Variants in SYNE3 observed in about 807,000 individuals in gnomAD.
The protein encoded by SYNE3 is spectrin repeat containing nuclear envelope family member 3, also known as nesprin-3.
A neutral mutation model predicts 111.2 loss-of-function variants in SYNE3; 100 were observed. The ratio of observed to expected loss-of-function variants is 0.90; its 90% CI spans 0.77 to 1.06. The LOEUF (loss-of-function observed/expected upper bound fraction) is 1.06. SYNE3 is among the 50% of genes least tolerant of loss of function. The probability of loss-of-function intolerance (pLI) is 0.00; values close to 1 mark genes in which losing one functional copy is unlikely to be tolerated. For synonymous variants in SYNE3, 547 were observed against 533.9 expected (o/e 1.02, Z -0.34); for missense variants, 1,160 against 1,240.3 (o/e 0.94, Z 0.97).
At chr14:95,439,409 G>T (rs539915754) in intron 13 of SYNE3, among the ~76,000 whole-genome samples, 2 of 152,344 alleles carry the variant, frequency 1.3e-5, no homozygotes, top group South Asian at 4.1e-4. Flanking sequence ...ATAGACTGGA[G>T]GCTAACTCCC....
chr14:95,513,737 TTATATATATATATATATATATA>T (rs59944497), intron 1 of SYNE3, among the ~76,000 whole-genome samples: 4 of 92,506 alleles, frequency 4.3e-5, no homozygotes, highest in East Asian at 7.3e-4. Context: ...GCTGCTTAGA[TTATATATATATATATATATATA>T]TATATATATA....
intron 2 of SYNE3, among the ~76,000 whole-genome samples, chr14:95,469,740 A>C (rs1333297689): frequency 6.6e-6 from 1 of 152,076 alleles, no homozygotes; most frequent in Non-Finnish European, 1.5e-5. Context: ...AATAAAAATA[A>C]AATAAAAACA....
In SYNE3 at chr14:95,502,334, A is replaced by G. The variant is rs376370921; in HGVS notation, c.-15+14262T>C. Among the ~76,000 whole-genome samples, 786 of 138,008 alleles carry G rather than the reference A, an allele frequency of 5.7e-3. 11 individuals carry two copies. The highest frequency in any genetic ancestry group is 9.8e-3 in the South Asian group (41 of 4,176). The allele number at this position is 138,008 out of a possible 152,430, so 90.5% of individuals were successfully genotyped here. ...TCCCAGAGCCTGTGTCCTCAGAGCT[A>G]GCCAGAGTCACGAGCAGCCTTTCCT... On this transcript the variant is annotated intron_variant, in intron 1 of 17. Transcript: ENST00000682763.
At chr14:95,498,874 G>A (rs1044699033) in intron 1 of SYNE3, among the ~76,000 whole-genome samples, 8 of 152,114 alleles carry the variant, frequency 5.3e-5, no homozygotes, top group East Asian at 1.9e-4. Flanking sequence ...AGGACAAGGC[G>A]GACTAGAAAG....
rs752424093 is a variant in SYNE3, at chr14:95,433,210, G to T, written c.2688+50C>A. 1.9e-6 allele frequency: 3 copies of T among 1,594,566 alleles called. No homozygotes were observed. The East Asian group carries it at 6.7e-5, about 36-fold the overall frequency. ...TGTATCCCCAGGCAAATACGGCCCA[G>T]CTATAGTCCTGTCCCTGGAATCTGG... On this transcript the variant is annotated intron_variant, in intron 16 of 17. Transcript: ENST00000682763.
At chr14:95,437,330 T>A (rs1886147243) in intron 14 of SYNE3, among the ~76,000 whole-genome samples, 1 of 152,246 alleles carries the variant, frequency 6.6e-6, no homozygotes, top group Non-Finnish European at 1.5e-5. Flanking sequence ...GCTAACTTCT[T>A]GGTTATCCAC....
At chr14:95,475,218 G>A (rs1412773168) in intron 2 of SYNE3, among the ~76,000 whole-genome samples, 1 of 152,244 alleles carries the variant, frequency 6.6e-6, no homozygotes, top group Non-Finnish European at 1.5e-5. Context: ...GAGAAGCTCA[G>A]GAAGTCACTC....
At chr14:95,430,385 T>A (rs538890371) in intron 17 of SYNE3, among the ~76,000 whole-genome samples, 2 of 152,182 alleles carry the variant, frequency 1.3e-5, no homozygotes, top group Non-Finnish European at 2.9e-5. Flanking sequence ...TGATTTTCCC[T>A]TTCTCATGAG....
In SYNE3 at chr14:95,408,365, G is replaced by T. The variant is rs1903339326; in HGVS notation, c.*9461C>A. The T allele has an allele frequency of 6.6e-6, 1 of 152,188 alleles. No homozygotes were observed. The highest frequency in any genetic ancestry group is 1.9e-4 in the East Asian group (1 of 5,194). The allele number at this position is 152,188 out of a possible 1,614,324, so 9.4% of individuals were successfully genotyped here. On this transcript the variant is annotated 3_prime_UTR_variant, in exon 18 of 18. Transcript: ENST00000682763. ...GAAAGGAGAAAATTTAGGACCCACA[G>T]AATTAAGCCCTCTTTCAAAGCAGGT...
At chr14:95,426,712 T>C (rs1885445126) in intron 17 of SYNE3, among the ~76,000 whole-genome samples, 1 of 151,054 alleles carries the variant, frequency 6.6e-6, no homozygotes, top group African/African-American at 2.4e-5. Context: ...GAGACCGAGG[T>C]GGGTGGATCA....
rs1437753445 is a variant in SYNE3 at position 95,470,169 on chromosome 14, A to C, written c.145-2202T>G. On this transcript the variant is annotated intron_variant, in intron 2 of 17. Transcript: ENST00000682763. This position sits in a 1 kb window ranked among gnomAD's most constrained non-coding sequence, Gnocchi z 4.2. ...AGCAGCGAGCAGTGATGGGGAAAAC[A>C]AAAGTACCATAGTGGCCAGTGTGGC... is the stretch of plus-strand genomic sequence containing the variant. Among the ~76,000 whole-genome samples the C allele has an allele frequency of 6.6e-6, 1 of 152,148 alleles. No individual in the cohort carries two copies. Among genetic ancestry groups the C allele is most frequent in the Non-Finnish European group, 1.5e-5 (1 of 68,034 alleles).
At chr14:95,458,419 T>C (rs1186786429) in intron 4 of SYNE3, among the ~76,000 whole-genome samples, 2 of 152,166 alleles carry the variant, frequency 1.3e-5, no homozygotes, top group African/African-American at 4.8e-5. Context: ...TGGGAGAAAG[T>C]GAGATGAAAT....
At position 95,436,837 on chromosome 14, in the gene SYNE3, T is replaced by C; in HGVS notation, c.2521A>G (p.Arg841Gly). The C allele has an allele frequency of 6.2e-7, 1 of 1,614,230 alleles. No homozygotes were observed. Among genetic ancestry groups the C allele is most frequent in the Non-Finnish European group, 8.5e-7 (1 of 1,180,050 alleles). ...RTSTAEDLRTRKSKLQELEAR... is the reference protein window; with the variant it reads ...RTSTAEDLRTGKSKLQELEAR... ...GAACAGACCTGCAGCTTCGATTTTC[T>C]GGTCCTCAAGTCCTCAGCTGTAGAA... The change falls in exon 15 of 18, where the codon AGA (arginine) becomes GGA (glycine). Residue 841 changes from arginine (R) to glycine (G), a missense_variant. Coordinates refer to ENST00000682763, the MANE Select transcript of SYNE3 (RefSeq NM_152592.6).
intron 1 of SYNE3, chr14:95,516,156 A>AT (rs2139629937): frequency 6.6e-6 from 1 of 152,438 alleles, no homozygotes; most frequent in South Asian, 2.1e-4. Context: ...CCCAGGCACT[A>AT]CTGAGCGCGC....
Position 95,446,073 on chromosome 14 carries a change from A to G in SYNE3, c.1468T>C (p.Ser490Pro), listed in dbSNP as rs1378596907. 8.1e-6 allele frequency: 13 copies of G among 1,614,020 alleles called. No individual in the cohort carries two copies. Among genetic ancestry groups the G allele is most frequent in the Non-Finnish European group, 1.1e-5 (13 of 1,180,014 alleles). The change falls in exon 9 of 18, where the codon TCC (serine) becomes CCC (proline). Residue 490 changes from serine (S) to proline (P), a missense_variant. Transcript: ENST00000682763. ...PQIEAALMES[S>P]RLKELLTMLQ... ...ATCGTCAGCAGCTCTTTCAGGCGGG[A>G]GCTTTCCATCAGGGCTGCCTGTGGG...
At chr14:95,464,483 G>A (rs1176564059) in intron 4 of SYNE3, among the ~76,000 whole-genome samples, 1 of 152,190 alleles carries the variant, frequency 6.6e-6, no homozygotes, top group Non-Finnish European at 1.5e-5. Context: ...AACGCAATCT[G>A]AGAAGGAAAT....
intron 17 of SYNE3, among the ~76,000 whole-genome samples, chr14:95,426,163 C>T (rs998827831): frequency 6.6e-6 from 1 of 152,208 alleles, no homozygotes; most frequent in East Asian, 1.9e-4. Flanking sequence ...TACTTCATGA[C>T]CAAAGTTTTA....
intron 17 of SYNE3, among the ~76,000 whole-genome samples, chr14:95,418,747 C>A (rs1884900134): frequency 6.6e-6 from 1 of 152,090 alleles, no homozygotes; most frequent in Non-Finnish European, 1.5e-5. Flanking sequence ...GGATTACAGG[C>A]ACCTGCCACC....
At chr14:95,494,977 T>G (rs1477106599) in intron 1 of SYNE3, among the ~76,000 whole-genome samples, 1 of 152,012 alleles carries the variant, frequency 6.6e-6, no homozygotes, top group Non-Finnish European at 1.5e-5. Context: ...TTGGGCGTGG[T>G]GGCAGGCACC....
Sources: allele counts gnomAD v4.1 joint callset (sites outside exome capture counted in the v4.1 genomes callset), GRCh38; gene constraint gnomAD v4.1.1; non-coding constraint Gnocchi (gnomAD v3.1); transcripts MANE v1.5; gene names NCBI Gene and HGNC (gene_info 2026-07-23, HGNC 2026-07-21).